AP1S3: variants seen among roughly 807,000 people sequenced by gnomAD.
The protein encoded by AP1S3 is adaptor related protein complex 1 subunit sigma 3, also known as AP-1 complex subunit sigma-3.
In AP1S3, 10 loss-of-function variants were observed where a neutral mutation model predicts 20.9. The observed-to-expected ratio is 0.48, with a 90% confidence interval of 0.29 to 0.81. AP1S3 has a LOEUF of 0.81. AP1S3 is among the 30% of genes least tolerant of loss of function. AP1S3 has a pLI of 0.08. For missense variants in AP1S3, 154 were observed against 183.8 expected (o/e 0.84, Z 0.94); for synonymous variants, 41 against 61.5 (o/e 0.67, Z 1.56).
rs753681428 is a variant in AP1S3, at chr2:223,756,562, C to A, written c.*2153G>T. The A allele has an allele frequency of 1.0e-6, 1 of 985,330 alleles. No individual in the cohort carries two copies. Among genetic ancestry groups the A allele is most frequent in the Non-Finnish European group, 1.2e-6 (1 of 829,898 alleles). 61.0% of individuals were successfully genotyped at this position (985,330 alleles called of 1,614,324 possible). On this transcript the variant is annotated 3_prime_UTR_variant, in exon 5 of 5. Coordinates refer to ENST00000396654, the MANE Select transcript of AP1S3 (RefSeq NM_001039569.2). The stretch of plus-strand genomic sequence containing the variant: ...GGTTAGCTAAAGTAAACACAGTGGT[C>A]AATCATACATGATAAACTTCAAGCT...
At chr2:223,765,453 A>G in intron 3 of AP1S3, 103 bp from the exon 4 acceptor site, 1 of 1,194,520 alleles carries the variant, frequency 8.4e-7, no homozygotes, top group Non-Finnish European at 1.1e-6. Context: ...GTGGCGTACC[A>G]AAAATAAAAA....
rs1225164838 is a variant in AP1S3 at position 223,776,326 on chromosome 2, T to C, written c.183-317A>G. Among the ~76,000 whole-genome samples, 53 of 152,272 alleles carry C rather than the reference T, an allele frequency of 3.5e-4. 1 individual carries two copies. The highest frequency in any genetic ancestry group is 1.0e-4 in the Non-Finnish European group (7 of 68,020). Reference sequence around the variant, plus strand: ...TGTCTTCACACCCCTCTCCAGCTTGTCAATTGTTTTTTGTAAAATAGAAAG... The same window carrying C: ...TGTCTTCACACCCCTCTCCAGCTTGCCAATTGTTTTTTGTAAAATAGAAAG... On this transcript the variant is annotated intron_variant, in intron 2 of 4. Transcript: ENST00000396654.
At chr2:223,831,314 T>C (rs1265143236) in intron 1 of AP1S3, among the ~76,000 whole-genome samples, 4 of 152,160 alleles carry the variant, frequency 2.6e-5, no homozygotes, top group East Asian at 3.9e-4. Flanking sequence ...CTGTATTTTT[T>C]CTAGAGATGG....
chr2:223,781,683 GTGAC>G (rs1482688184), intron 1 of AP1S3, among the ~76,000 whole-genome samples: 1 of 152,064 alleles, frequency 6.6e-6, no homozygotes, highest in African/African-American at 2.4e-5. Flanking sequence ...GATCATAAAA[GTGAC>G]TGACACTCTA....
At chr2:223,764,031 G>C (rs1476073360) in intron 4 of AP1S3, among the ~76,000 whole-genome samples, 1 of 152,146 alleles carries the variant, frequency 6.6e-6, no homozygotes, top group African/African-American at 2.4e-5. Context: ...TGGTTCTACT[G>C]CCTCAGCCTC....
At chr2:223,790,504 G>C (rs1332834398) in intron 1 of AP1S3, among the ~76,000 whole-genome samples, 1 of 152,110 alleles carries the variant, frequency 6.6e-6, no homozygotes, top group Non-Finnish European at 1.5e-5. Context: ...AAAGTGCTGA[G>C]ATTACAGGCG....
At chr2:223,792,326 G>A (rs892524829) in intron 1 of AP1S3, among the ~76,000 whole-genome samples, 2 of 152,046 alleles carry the variant, frequency 1.3e-5, no homozygotes, top group Admixed American at 1.3e-4. Context: ...CATGGTACTG[G>A]TACAAGAACA....
chr2:223,813,546 A>G (rs958208835), intron 1 of AP1S3, among the ~76,000 whole-genome samples: 1 of 152,202 alleles, frequency 6.6e-6, no homozygotes, highest in South Asian at 2.1e-4. Context: ...CACAGCTATA[A>G]GTGGTAGAAC....
chr2:223,791,981 T>C (rs1041754427), intron 1 of AP1S3, among the ~76,000 whole-genome samples: 3 of 151,854 alleles, frequency 2.0e-5, no homozygotes, highest in Non-Finnish European at 2.9e-5. Flanking sequence ...CAAAAACCAC[T>C]GCTCAAAGAA....
At chr2:223,766,520 A>T (rs1013519066) in intron 3 of AP1S3, among the ~76,000 whole-genome samples, 1 of 152,222 alleles carries the variant, frequency 6.6e-6, no homozygotes, top group Non-Finnish European at 1.5e-5. Context: ...ATCTCATGCC[A>T]GTTAGAATGG....
At chr2:223,828,008 A>G (rs62187861) in intron 1 of AP1S3, among the ~76,000 whole-genome samples, 71,684 of 143,302 alleles carry the variant, frequency 0.5, 17,663 homozygotes, top group Admixed American at 0.6. Context: ...GCAGTGAGCC[A>G]AGATCGTGTC....
At chr2:223,781,849 C>A (rs1690955425) in intron 1 of AP1S3, among the ~76,000 whole-genome samples, 1 of 152,078 alleles carries the variant, frequency 6.6e-6, no homozygotes, top group Non-Finnish European at 1.5e-5. Flanking sequence ...TATTCTCTTG[C>A]ATTTCCTGCT....
At chr2:223,814,067 C>T (rs1264698504) in intron 1 of AP1S3, among the ~76,000 whole-genome samples, 1 of 152,200 alleles carries the variant, frequency 6.6e-6, no homozygotes, top group African/African-American at 2.4e-5. Flanking sequence ...AAATGTGCCA[C>T]CAACTAGCGT....
intron 1 of AP1S3, among the ~76,000 whole-genome samples, chr2:223,781,095 G>T (rs896510067): frequency 6.6e-6 from 1 of 151,982 alleles, no homozygotes; most frequent in Admixed American, 6.6e-5. Flanking sequence ...AGCTGCATCC[G>T]TGTTGCTGCA....
intron 1 of AP1S3, among the ~76,000 whole-genome samples, chr2:223,814,147 G>A (rs922553723): frequency 2.6e-5 from 4 of 152,118 alleles, no homozygotes; most frequent in South Asian, 2.1e-4. Context: ...AGTGGCTTCC[G>A]AAAATGGAAG....
intron 4 of AP1S3, among the ~76,000 whole-genome samples, chr2:223,763,186 C>T (rs1033881218): frequency 6.6e-6 from 1 of 152,160 alleles, no homozygotes; most frequent in Admixed American, 6.5e-5. Context: ...CATAGGGACA[C>T]CAGGGCTAAA....
chr2:223,830,308 A>C (rs1204108040), intron 1 of AP1S3, among the ~76,000 whole-genome samples: 1 of 151,646 alleles, frequency 6.6e-6, no homozygotes, highest in Non-Finnish European at 1.5e-5. Flanking sequence ...GTGAAACCCT[A>C]TCTCTACCAA....
At chr2:223,780,888 A>G (rs1289840105) in intron 1 of AP1S3, among the ~76,000 whole-genome samples, 3 of 151,868 alleles carry the variant, frequency 2.0e-5, no homozygotes, top group African/African-American at 7.3e-5. Flanking sequence ...TGAACCTGTC[A>G]ATCAGGCACT....
At position 223,758,251 on chromosome 2, in the gene AP1S3, T is replaced by C. The variant is rs1690271222; in HGVS notation, c.*464A>G. 3 of 977,810 alleles carry C rather than the reference T, an allele frequency of 3.1e-6. No individual in the cohort carries two copies. Among genetic ancestry groups the C allele is most frequent in the African/African-American group, 3.5e-5 (2 of 57,180 alleles). 60.6% of individuals were successfully genotyped at this position (977,810 alleles called of 1,614,324 possible). ...AATGTCTAGCATTACATATAAACTC[T>C]GCACTATTAACATAATTTTGAATTA... On this transcript the variant is annotated 3_prime_UTR_variant, in exon 5 of 5. Transcript: ENST00000396654.
Sources: allele counts gnomAD v4.1 joint callset (sites outside exome capture counted in the v4.1 genomes callset), GRCh38; gene constraint gnomAD v4.1.1; transcripts MANE v1.5; gene names NCBI Gene and HGNC (gene_info 2026-07-23, HGNC 2026-07-21).